The following MKLN1 variants were observed in gnomAD, a reference collection of about 807,000 sequenced individuals.
The protein encoded by MKLN1 is muskelin 1.
A neutral mutation model predicts 99.0 loss-of-function variants in MKLN1; 18 were observed. The ratio of observed to expected loss-of-function variants is 0.18; its 90% CI spans 0.13 to 0.27. The LOEUF is 0.27. MKLN1 is among the 10% of genes least tolerant of loss of function. The pLI, the probability that MKLN1 is intolerant of heterozygous loss-of-function variation, is 1.00. For missense variants in MKLN1, 621 were observed against 875.9 expected, an observed-to-expected ratio of 0.71 and a Z score of 3.67; for synonymous variants, 288 against 293.2, an observed-to-expected ratio of 0.98 and a Z score of 0.18.
chr7:131,289,222 G>A (rs974243613), intron 3 of MKLN1, among the ~76,000 whole-genome samples: 2 of 152,218 alleles, frequency 1.3e-5, no homozygotes, highest in Admixed American at 1.3e-4. Context: ...TGGAATGGCA[G>A]AATAAATTGT....
chr7:131,174,889 C>G (rs1282990393), intron 2 of MKLN1, among the ~76,000 whole-genome samples: 1 of 152,090 alleles, frequency 6.6e-6, no homozygotes, highest in East Asian at 1.9e-4. Flanking sequence ...GTTTCCAGTA[C>G]AATTCAGACA....
chr7:131,243,669 C>G (rs1481770449), intron 3 of MKLN1, among the ~76,000 whole-genome samples: 1 of 152,136 alleles, frequency 6.6e-6, no homozygotes, highest in Non-Finnish European at 1.5e-5. Flanking sequence ...GGCCATGCTT[C>G]TATCCATTAA....
At chr7:131,157,960 T>A (rs1274272489) in intron 2 of MKLN1, among the ~76,000 whole-genome samples, 2 of 152,142 alleles carry the variant, frequency 1.3e-5, no homozygotes, top group Non-Finnish European at 2.9e-5. Flanking sequence ...GTGACAGACC[T>A]TCTGTCCCTG....
At chr7:131,395,073 T>G (rs1194305532) in intron 4 of MKLN1, among the ~76,000 whole-genome samples, 1 of 152,114 alleles carries the variant, frequency 6.6e-6, no homozygotes, top group Non-Finnish European at 1.5e-5. Flanking sequence ...TCAGTTAAGC[T>G]CACAGTGGTG....
intron 1 of MKLN1, among the ~76,000 whole-genome samples, chr7:131,374,549 G>T (rs1286089378): frequency 6.6e-6 from 1 of 152,012 alleles, no homozygotes; most frequent in African/African-American, 2.4e-5. Context: ...TTACTTATTT[G>T]TTCAACCCCA....
At chr7:131,160,886 T>G (rs2028359) in intron 2 of MKLN1, among the ~76,000 whole-genome samples, 2 of 152,056 alleles carry the variant, frequency 1.3e-5, no homozygotes, top group Admixed American at 1.3e-4. Flanking sequence ...GCTAAGCCTC[T>G]CTACTCAGAA....
chr7:131,302,272 T>C (rs1456856533), intron 3 of MKLN1, among the ~76,000 whole-genome samples: 1 of 152,044 alleles, frequency 6.6e-6, no homozygotes, highest in Non-Finnish European at 1.5e-5. Context: ...TCATGGGAGG[T>C]GACCTATAGA....
intron 12 of MKLN1, among the ~76,000 whole-genome samples, chr7:131,448,396 C>CT (rs1182555872): frequency 2.6e-5 from 4 of 152,034 alleles, no homozygotes; most frequent in Admixed American, 2.6e-4. Flanking sequence ...ATGGTTATGG[C>CT]TAGCTTTAGA....
chr7:131,159,156 G>A (rs1351012884), intron 2 of MKLN1, among the ~76,000 whole-genome samples: 1 of 152,148 alleles, frequency 6.6e-6, no homozygotes, highest in East Asian at 1.9e-4. Context: ...TCGTGCCACT[G>A]CACTTCAGCC....
chr7:131,397,507 C>A, intron 5 of MKLN1, 131 bp downstream of exon 5: 1 of 561,390 alleles, frequency 1.8e-6, no homozygotes, highest in Non-Finnish European at 3.1e-6. Context: ...TTTTATTAAG[C>A]ACTTCCAGTC....
intron 3 of MKLN1, among the ~76,000 whole-genome samples, chr7:131,230,344 G>T (rs551971887): frequency 6.6e-6 from 1 of 152,098 alleles, no homozygotes; most frequent in Admixed American, 6.6e-5. Flanking sequence ...TGGCCAAAAG[G>T]GGGTCTGTTT....
At chr7:131,206,054 C>T (rs1211916897) in intron 3 of MKLN1, among the ~76,000 whole-genome samples, 2 of 152,048 alleles carry the variant, frequency 1.3e-5, no homozygotes, top group African/African-American at 4.8e-5. Context: ...CCACCATGCC[C>T]AGCTAATTTT....
In MKLN1 at chr7:131,237,039, C is replaced by T. The variant is rs555189805; in HGVS notation, c.-179+34065C>T. The stretch of plus-strand genomic sequence containing the variant: ...ATGGAGAAAACCACAGTCTGGTTCC[C>T]CCCAAGCTCTCACTGATTTTTTGTT... On this transcript the variant is annotated intron_variant, in intron 3 of 7. Coordinates refer to the MKLN1 transcript ENST00000416992. Among the ~76,000 whole-genome samples, 12 of 152,216 alleles carry T rather than the reference C, an allele frequency of 7.9e-5. No homozygotes were observed. The East Asian group carries it at 2.3e-3, about 29-fold the overall frequency.
chr7:131,149,014 AT>A (rs1456044305), intron 2 of MKLN1, among the ~76,000 whole-genome samples: 2 of 152,214 alleles, frequency 1.3e-5, no homozygotes, highest in Non-Finnish European at 2.9e-5. Flanking sequence ...TCATTTTAAA[AT>A]CAGTCGCAGG....
chr7:131,229,092 G>A (rs182271527), intron 3 of MKLN1, among the ~76,000 whole-genome samples: 18 of 152,180 alleles, frequency 1.2e-4, no homozygotes, highest in African/African-American at 4.1e-4. Context: ...GCCCAAAAAG[G>A]TGTGACATCT....
At chr7:131,179,243 T>C (rs1291337947) in intron 2 of MKLN1, among the ~76,000 whole-genome samples, 1 of 152,192 alleles carries the variant, frequency 6.6e-6, no homozygotes, top group African/African-American at 2.4e-5. Flanking sequence ...ACATCACACA[T>C]AGACTGCAAC....
intron 2 of MKLN1, among the ~76,000 whole-genome samples, chr7:131,178,474 A>G (rs983807469): frequency 2.6e-5 from 4 of 151,826 alleles, no homozygotes; most frequent in African/African-American, 9.7e-5. Context: ...GGAAAAATTA[A>G]CTTAAAAAAA....
intron 3 of MKLN1, among the ~76,000 whole-genome samples, chr7:131,248,633 G>C (rs910117480): frequency 6.6e-6 from 1 of 152,196 alleles, no homozygotes. Flanking sequence ...TTTACTGGTA[G>C]CAAGGGAACT....
intron 12 of MKLN1, among the ~76,000 whole-genome samples, chr7:131,449,709 C>A (rs909517436): frequency 2.0e-5 from 3 of 151,778 alleles, no homozygotes; most frequent in African/African-American, 4.8e-5. Context: ...CCTTCCCATT[C>A]TTTTTCCCAT....
Sources: allele counts gnomAD v4.1 joint callset (sites outside exome capture counted in the v4.1 genomes callset), GRCh38; gene constraint gnomAD v4.1.1; transcripts MANE v1.5; gene names NCBI Gene and HGNC (gene_info 2026-07-23, HGNC 2026-07-21).